CDKAL1: variants seen among roughly 807,000 people sequenced by gnomAD.
CDKAL1 encodes the protein CDKAL1 threonylcarbamoyladenosine tRNA methylthiotransferase, also known as threonylcarbamoyladenosine tRNA methylthiotransferase.
In CDKAL1, 32 loss-of-function variants were observed where a neutral mutation model predicts 68.2. The observed-to-expected ratio is 0.47, with a 90% CI of 0.35 to 0.63. CDKAL1 has a LOEUF of 0.63. CDKAL1 is among the 30% of genes least tolerant of loss of function. The pLI is 0.00. For missense variants in CDKAL1, 606 were observed against 696.7 expected (o/e 0.87, Z 1.47); for synonymous variants, 234 against 244.3 (o/e 0.96, Z 0.39).
At chr6:21,121,631 G>C (rs778375390) in intron 13 of CDKAL1, among the ~76,000 whole-genome samples, 1 of 152,166 alleles carries the variant, frequency 6.6e-6, no homozygotes, top group African/African-American at 2.4e-5. Context: ...GACTATTCTT[G>C]CAGTAAAGTT....
At chr6:21,014,609 T>TCA (rs1176271158) in intron 11 of CDKAL1, among the ~76,000 whole-genome samples, 29 of 138,850 alleles carry the variant, frequency 2.1e-4, no homozygotes, top group Non-Finnish European at 3.5e-4. Context: ...AGACTCCGTC[T>TCA]CATAAAAAAA....
intron 9 of CDKAL1, among the ~76,000 whole-genome samples, chr6:20,926,921 ATT>A (rs1561890240): frequency 3.4e-5 from 5 of 147,066 alleles, no homozygotes; most frequent in African/African-American, 5.0e-5. Context: ...TTACATATAT[ATT>A]TTTATATATA....
intron 11 of CDKAL1, among the ~76,000 whole-genome samples, chr6:21,011,747 A>G (rs1360746122): frequency 6.6e-6 from 1 of 152,216 alleles, no homozygotes; most frequent in Non-Finnish European, 1.5e-5. Flanking sequence ...CAGGTCTTCC[A>G]TGAAAATCAA....
chr6:21,040,886 G>A (rs1769884957), intron 11 of CDKAL1, among the ~76,000 whole-genome samples: 1 of 151,834 alleles, frequency 6.6e-6, no homozygotes. Flanking sequence ...CTGCCTTTTT[G>A]CCCACACCTG....
In CDKAL1 at chr6:20,962,836, C is replaced by T. The variant is rs78622431; in HGVS notation, c.909+7251C>T. 8.5e-3 allele frequency among the ~76,000 whole-genome samples: 1,298 copies of T among 152,258 alleles called. 24 individuals are homozygous for T. The highest frequency in any genetic ancestry group is 0.029 in the African/African-American group (1,215 of 41,542). ...AAAAATCTTTTATTTCAACCATCCA[C>T]CTGTAGCTTTTGAGACATGTCAGTA... On this transcript the variant is annotated intron_variant, in intron 10 of 15. Coordinates refer to ENST00000274695, the MANE Select transcript of CDKAL1 (RefSeq NM_017774.3).
rs1298397937 is a variant in CDKAL1 at position 20,969,073 on chromosome 6, C to G, written c.909+13488C>G. 5.9e-5 allele frequency among the ~76,000 whole-genome samples: 9 copies of G among 152,192 alleles called. No homozygotes were observed. The East Asian group carries it at 1.7e-3, about 29-fold the overall frequency. On this transcript the variant is annotated intron_variant, in intron 10 of 15. Coordinates refer to ENST00000274695, the MANE Select transcript of CDKAL1 (RefSeq NM_017774.3). ...GAAATCGGATTCTTCTCACTCCCTA[C>G]AGTTTGTTGTTGTTATTTGGTGACT...
intron 7 of CDKAL1, chr6:20,772,887 G>C (rs1213653573): frequency 6.6e-6 from 1 of 152,166 alleles, no homozygotes; most frequent in Non-Finnish European, 1.5e-5. Context: ...TTCATGCTTT[G>C]TTAAACTCTG....
In CDKAL1 at chr6:21,231,009, T is replaced by C; in HGVS notation, c.1710T>C (p.Leu570=). 6.2e-7 allele frequency: 1 copy of C among 1,608,206 alleles called. No individual in the cohort carries two copies. The highest frequency in any genetic ancestry group is 8.5e-7 in the Non-Finnish European group (1 of 1,176,066). ...MSVGLALLGL[L]FAFFVKVYN ...TGGGCTTGGCTCTGCTGGGTCTTCT[T>C]TTTGCTTTTTTTGTCAAGGTCTATA... Residue 570 remains leucine, a synonymous_variant, in exon 16 of 16, where the codon CTT becomes CTC. Coordinates refer to ENST00000274695, the MANE Select transcript of CDKAL1 (RefSeq NM_017774.3).
At chr6:21,126,077 A>G (rs767415445) in intron 13 of CDKAL1, among the ~76,000 whole-genome samples, 21 of 152,222 alleles carry the variant, frequency 1.4e-4, no homozygotes, top group Non-Finnish European at 2.6e-4. Context: ...GTGCTCTAGT[A>G]TATGTTTCTT....
chr6:20,910,596 C>T (rs555931159), intron 9 of CDKAL1, among the ~76,000 whole-genome samples: 1 of 152,296 alleles, frequency 6.6e-6, no homozygotes, highest in South Asian at 2.1e-4. Context: ...TTACCTCAGA[C>T]CCCCTCTGTG....
At chr6:20,985,691 G>A (rs1229376798) in intron 10 of CDKAL1, among the ~76,000 whole-genome samples, 8 of 152,060 alleles carry the variant, frequency 5.3e-5, no homozygotes, top group Admixed American at 3.3e-4. Flanking sequence ...AGGCTGAAGC[G>A]GGAGGATCCC....
chr6:20,887,552 A>G (rs956076481), intron 9 of CDKAL1, among the ~76,000 whole-genome samples: 14 of 151,316 alleles, frequency 9.3e-5, no homozygotes, highest in African/African-American at 3.4e-4. Flanking sequence ...TAAAAGAAGC[A>G]TTACACAAAA....
At position 20,722,877 on chromosome 6, in the gene CDKAL1, G is replaced by A. The variant is rs73379325; in HGVS notation, c.372-16642G>A. Reference sequence around the variant, plus strand: ...ACAGCCAGACAGCCAGCCTGACATCGGGGTAGAGACAACCTGACTTTGGGG... The same window carrying A: ...ACAGCCAGACAGCCAGCCTGACATCAGGGTAGAGACAACCTGACTTTGGGG... On this transcript the variant is annotated intron_variant, in intron 5 of 15. Coordinates refer to ENST00000274695, the MANE Select transcript of CDKAL1 (RefSeq NM_017774.3). 1.7e-3 allele frequency among the ~76,000 whole-genome samples: 253 copies of A among 152,178 alleles called. 2 individuals are homozygous for A. The highest frequency in any genetic ancestry group is 5.8e-3 in the African/African-American group (239 of 41,522).
At chr6:21,182,761 A>G (rs1777840547) in intron 13 of CDKAL1, among the ~76,000 whole-genome samples, 1 of 152,180 alleles carries the variant, frequency 6.6e-6, no homozygotes. Flanking sequence ...AGAAAGGCAT[A>G]TCCTATTTAT....
At chr6:21,160,586 G>A (rs181634632) in intron 13 of CDKAL1, among the ~76,000 whole-genome samples, 4,091 of 140,082 alleles carry the variant, frequency 0.029, 82 homozygotes, top group Non-Finnish European at 0.041. Flanking sequence ...GTGAGCCACC[G>A]CACCCAGCCA....
intron 6 of CDKAL1, among the ~76,000 whole-genome samples, chr6:20,758,380 A>G (rs983343246): frequency 6.6e-6 from 1 of 152,224 alleles, no homozygotes; most frequent in Admixed American, 6.5e-5. Flanking sequence ...TGATATCTTC[A>G]GTTATCATTG....
intron 4 of CDKAL1, among the ~76,000 whole-genome samples, chr6:20,610,818 CA>C (rs1327070970): frequency 6.6e-6 from 1 of 152,154 alleles, no homozygotes; most frequent in African/African-American, 2.4e-5. Context: ...TGTGCTCTTG[CA>C]CAACTGAACA....
At chr6:21,022,815 C>T (rs190184481) in intron 11 of CDKAL1, among the ~76,000 whole-genome samples, 1 of 152,288 alleles carries the variant, frequency 6.6e-6, no homozygotes, top group African/African-American at 2.4e-5. Context: ...CTATTCATTT[C>T]TAACTTTTGT....
chr6:20,727,288 G>A (rs1019662728), intron 5 of CDKAL1, among the ~76,000 whole-genome samples: 3 of 152,132 alleles, frequency 2.0e-5, no homozygotes, highest in Non-Finnish European at 4.4e-5. Flanking sequence ...AGGCTCAGTA[G>A]CTGGGGTCTA....
Sources: gnomAD v4.1 joint callset for allele counts (sites outside exome capture counted in the v4.1 genomes callset) on GRCh38, gnomAD v4.1.1 for gene constraint, MANE v1.5 for transcripts, NCBI Gene and HGNC (gene_info 2026-07-23, HGNC 2026-07-21) for gene names.